The following MACF1 variants were observed in gnomAD, a reference collection of about 807,000 sequenced individuals.
The protein encoded by MACF1 is microtubule-actin cross-linking factor 1.
MACF1 carries 193 observed loss-of-function variants against 854.8 expected under a neutral mutation model. The ratio of observed to expected loss-of-function variants is 0.23; its 90% confidence interval spans 0.20 to 0.25. MACF1 has a LOEUF of 0.25. Ranked by LOEUF, MACF1 falls within the 10% of genes least tolerant of loss-of-function variation. MACF1 has a pLI of 1.00. For synonymous variants in MACF1, 3,185 were observed against 3,226.7 expected (o/e 0.99, Z 0.44); for missense variants, 7,722 against 8,929.1 (o/e 0.86, Z 5.45).
At chr1:39,431,085 C>A (rs1274123139) in intron 66 of MACF1, among the ~76,000 whole-genome samples, 177 bp downstream of exon 66, 4 of 152,100 alleles carry the variant, frequency 2.6e-5, no homozygotes, top group Non-Finnish European at 5.9e-5. Flanking sequence ...AGGATGGATC[C>A]AGAATTTGAC....
chr1:39,437,745 G>T (rs964466236), intron 70 of MACF1, 32 bp from the exon 71 acceptor site: 1 of 1,435,342 alleles, frequency 7.0e-7, no homozygotes, highest in Non-Finnish European at 9.8e-7. Flanking sequence ...GATGAGGTAT[G>T]CTGTGATGGT....
Position 39,176,928 on chromosome 1 carries a change from T to C in MACF1, c.221-54254T>C, listed in dbSNP as rs1233358839. 2.0e-5 allele frequency among the ~76,000 whole-genome samples: 3 copies of C among 152,208 alleles called. No homozygotes were observed. In the South Asian group the frequency reaches 6.2e-4, roughly 32 times the overall value. ...AAGATCCTTGAATTGTGACTTTTTT[T>C]CTTTTGTTTAATTTTATTACAGTTC... On this transcript the variant is annotated intron_variant, in intron 2 of 93. Coordinates refer to the MACF1 transcript ENST00000361689.
chr1:39,137,073 AATTTAATTTT>A (rs1482092211), intron 2 of MACF1, among the ~76,000 whole-genome samples: 1 of 152,088 alleles, frequency 6.6e-6, no homozygotes, highest in East Asian at 1.9e-4. Flanking sequence ...AATTTAATTT[AATTTAATTTT>A]ATTTTGAGAC....
chr1:39,419,797 T>TTGTGTG (rs1251258300), intron 58 of MACF1, among the ~76,000 whole-genome samples: 2 of 82,740 alleles, frequency 2.4e-5, no homozygotes, highest in Non-Finnish European at 5.1e-5. Flanking sequence ...CATGCCTGGC[T>TTGTGTG]AGTGTGTGTG....
At chr1:39,399,621 C>T (rs1311509008) in intron 58 of MACF1, among the ~76,000 whole-genome samples, 1 of 152,076 alleles carries the variant, frequency 6.6e-6, no homozygotes, top group Non-Finnish European at 1.5e-5. Context: ...AGGTGATCCA[C>T]CCACCTCGGC....
chr1:39,300,154 T>G, intron 21 of MACF1, 56 bp from the exon 22 acceptor site: 1 of 1,571,772 alleles, frequency 6.4e-7, no homozygotes, highest in Admixed American at 1.8e-5. Context: ...CTTTGTTGAC[T>G]TAGTCACCCT....
At chr1:39,452,540 C>A in intron 86 of MACF1, 144 bp from the exon 87 acceptor site, 1 of 1,200,518 alleles carries the variant, frequency 8.3e-7, no homozygotes, top group Non-Finnish European at 1.2e-6. Flanking sequence ...TTTCAAAGAT[C>A]TACAAATGAA....
chr1:39,395,520 T>C (rs1476565874), intron 58 of MACF1, among the ~76,000 whole-genome samples: 1 of 152,146 alleles, frequency 6.6e-6, no homozygotes, highest in Non-Finnish European at 1.5e-5. Context: ...TTACGTACAG[T>C]TGTCAGTTGT....
intron 6 of MACF1, among the ~76,000 whole-genome samples, chr1:39,267,536 A>G (rs1277959949): frequency 6.6e-6 from 1 of 152,174 alleles, no homozygotes; most frequent in South Asian, 2.1e-4. Context: ...GCCTGGCCAA[A>G]CCTCAGTTTC....
chr1:39,222,957 C>A (rs1161625835), intron 1 of MACF1, among the ~76,000 whole-genome samples: 1 of 152,146 alleles, frequency 6.6e-6, no homozygotes, highest in Non-Finnish European at 1.5e-5. Context: ...CCCTCAAATG[C>A]AGGCTTTCAT....
chr1:39,159,584 A>G (rs1261283057), intron 2 of MACF1, among the ~76,000 whole-genome samples: 1 of 152,248 alleles, frequency 6.6e-6, no homozygotes, highest in Non-Finnish European at 1.5e-5. Flanking sequence ...TTAAAGTTTT[A>G]AAGGAAATAG....
At chr1:39,220,332 C>G (rs1038826606) in intron 1 of MACF1, among the ~76,000 whole-genome samples, 1 of 151,444 alleles carries the variant, frequency 6.6e-6, no homozygotes, top group Non-Finnish European at 1.5e-5. Flanking sequence ...ACCACCTTGC[C>G]TGGCTAATTT....
chr1:39,322,621 A>C lies in MACF1; in HGVS notation c.4043A>C (p.Gln1348Pro). Residue 1348 changes from glutamine (Q) to proline (P), a missense_variant, in exon 32 of 101, where the codon CAA becomes CCA. By Grantham distance (76) the Gln-to-Pro change is moderately conservative. Transcript: ENST00000564288. ...ATCCTTTCCTAGGACTATGAATTGCAACTGATGACATACAAGGCCTTTGTG... is the reference window on the plus strand; with the variant it reads ...ATCCTTTCCTAGGACTATGAATTGCCACTGATGACATACAAGGCCTTTGTG... Reference protein sequence around the residue: ...YSTIVKDYELQLMTYKAFVES... With the variant: ...YSTIVKDYELPLMTYKAFVES... 6.2e-7 allele frequency: 1 copy of C among 1,613,974 alleles called. No homozygotes were observed. The highest frequency in any genetic ancestry group is 8.5e-7 in the Non-Finnish European group (1 of 1,179,824).
chr1:39,236,277 CCTTT>C (rs1305492671), intron 2 of MACF1, among the ~76,000 whole-genome samples: 2 of 152,318 alleles, frequency 1.3e-5, no homozygotes, highest in African/African-American at 4.8e-5. Flanking sequence ...TTGCTGCCTA[CCTTT>C]CCAGGCTCAT....
At chr1:39,198,416 G>C (rs1644349254) in intron 2 of MACF1, among the ~76,000 whole-genome samples, 1 of 152,006 alleles carries the variant, frequency 6.6e-6, no homozygotes, top group Non-Finnish European at 1.5e-5. Flanking sequence ...ACTTTGGGAG[G>C]CTGAGGCGGG....
chr1:39,165,846 A>C (rs1643876521), intron 2 of MACF1, among the ~76,000 whole-genome samples: 1 of 152,110 alleles, frequency 6.6e-6, no homozygotes, highest in Admixed American at 6.5e-5. Flanking sequence ...CTTGGTTTGA[A>C]ATCCTTTGAT....
rs547686982 is a variant in MACF1 at position 39,231,948 on chromosome 1, T to C, written c.171+705T>C. On this transcript the variant is annotated intron_variant, in intron 2 of 100. Coordinates refer to ENST00000564288, the MANE Select transcript of MACF1 (RefSeq NM_001394062.1). ...CTTAAATGTTTAACTTGATGAATTT[T>C]TACATGAATTTTACCACCAGGTAGT... 5.9e-5 allele frequency among the ~76,000 whole-genome samples: 9 copies of C among 151,824 alleles called. No homozygotes were observed. In the South Asian group the frequency reaches 1.9e-3, roughly 31 times the overall value.
intron 1 of MACF1, among the ~76,000 whole-genome samples, chr1:39,207,720 T>C (rs1410736237): frequency 2.0e-5 from 3 of 152,222 alleles, no homozygotes; most frequent in Non-Finnish European, 4.4e-5. Context: ...TATTATTTGT[T>C]TCTATTTATT....
chr1:39,181,479 TCTC>T (rs780102189), intron 2 of MACF1, among the ~76,000 whole-genome samples: 32 of 152,092 alleles, frequency 2.1e-4, no homozygotes, highest in Non-Finnish European at 3.1e-4. Flanking sequence ...TCTTCTTTCT[TCTC>T]CTCCTCCTCC....
Sources: gnomAD v4.1 joint callset for allele counts (sites outside exome capture counted in the v4.1 genomes callset) on GRCh38, gnomAD v4.1.1 for gene constraint, MANE v1.5 for transcripts, NCBI Gene and HGNC (gene_info 2026-07-23, HGNC 2026-07-21) for gene names.